The following ARHGAP17 variants were observed in gnomAD, a reference collection of about 807,000 sequenced individuals.
ARHGAP17 encodes Rho GTPase activating protein 17.
ARHGAP17 carries 57 observed loss-of-function variants against 99.5 expected under a neutral mutation model. That is an observed-to-expected ratio of 0.57 (90% CI 0.46 to 0.71). The LOEUF (loss-of-function observed/expected upper bound fraction) is 0.71, where lower values mean the gene tolerates loss of function less well. Among genes scored for constraint, ARHGAP17 ranks in the 30% least tolerant of loss-of-function variants. The pLI is 0.00. For missense variants in ARHGAP17, 1,000 were observed against 1,122.4 expected, an observed-to-expected ratio of 0.89 and a Z score of 1.56; for synonymous variants, 417 against 429.6, an observed-to-expected ratio of 0.97 and a Z score of 0.36.
chr16:24,928,829 G>A (rs937346489), intron 19 of ARHGAP17, among the ~76,000 whole-genome samples: 14 of 152,258 alleles, frequency 9.2e-5, no homozygotes, highest in Middle Eastern at 3.4e-3. Context: ...AGCTCATATG[G>A]TTTAATAAAG....
intron 1 of ARHGAP17, among the ~76,000 whole-genome samples, chr16:25,005,384 T>C (rs891881816): frequency 1.3e-5 from 2 of 152,256 alleles, no homozygotes; most frequent in Admixed American, 1.3e-4. Context: ...GTGCAAGGTT[T>C]CATCACTGTA....
In ARHGAP17 at chr16:24,931,346, G is replaced by A. The variant is rs115829556; in HGVS notation, c.1953C>T (p.Pro651=). 1.1e-5 allele frequency: 16 copies of A among 1,512,168 alleles called. No individual in the cohort carries two copies. The highest frequency in any genetic ancestry group is 7.0e-5 in the African/African-American group (5 of 71,406). The allele number at this position is 1,512,168 out of a possible 1,614,324, so 93.7% of individuals were successfully genotyped here. Residue 651 remains proline, a synonymous_variant, in exon 19 of 20, where the codon CCC becomes CCT. Transcript: ENST00000289968. ...ATGTTCCTGAAGAACTCTGGCCCCC[G>A]GGGTGGCCAGGAGGTGGGTTGCCCG... ...PKPGNPPPGH[P]GGQSSSGTSQ...
chr16:24,949,495 A>T lies in ARHGAP17; in HGVS notation c.1047-11T>A. On this transcript the variant is annotated splice_polypyrimidine_tract_variant and intron_variant, in intron 12 of 19. Coordinates refer to ENST00000289968, the MANE Select transcript of ARHGAP17 (RefSeq NM_001006634.3). ...TCTTGATCCTGCACACTGAGAACAA[A>T]AACTTTTAAGTACAACAACTTATTA... 1 of 1,611,278 alleles carries T rather than the reference A, an allele frequency of 6.2e-7. No individual in the cohort carries two copies. The highest frequency in any genetic ancestry group is 8.5e-7 in the Non-Finnish European group (1 of 1,179,030).
chr16:25,014,708 A>C (rs1347649075), intron 1 of ARHGAP17, among the ~76,000 whole-genome samples: 1 of 152,168 alleles, frequency 6.6e-6, no homozygotes, highest in Non-Finnish European at 1.5e-5. Flanking sequence ...ATGTCCCTCT[A>C]GCCATTTCTT....
At chr16:24,928,009 C>T (rs1161860785) in intron 19 of ARHGAP17, among the ~76,000 whole-genome samples, 4 of 152,228 alleles carry the variant, frequency 2.6e-5, no homozygotes, top group African/African-American at 9.6e-5. Flanking sequence ...CTCTTTAAAA[C>T]TCTAACTTAA....
In ARHGAP17 at chr16:24,959,901, A is replaced by G; in HGVS notation, c.642+10T>C. ...AATGCTTTAACATTTTCTCAAGGGA[A>G]GGTGCTTACCGTAACAAAGAATTTG... On this transcript the variant is annotated intron_variant, in intron 8 of 19. Coordinates refer to ENST00000289968, the MANE Select transcript of ARHGAP17 (RefSeq NM_001006634.3). 1 of 1,613,320 alleles carries G rather than the reference A, an allele frequency of 6.2e-7. No homozygotes were observed.
At chr16:24,996,668 C>G (rs1028378024) in intron 1 of ARHGAP17, among the ~76,000 whole-genome samples, 1 of 152,154 alleles carries the variant, frequency 6.6e-6, no homozygotes, top group African/African-American at 2.4e-5. Flanking sequence ...CGTTCACCAC[C>G]TAAGAGCGGG....
In ARHGAP17 at chr16:24,929,878, A is replaced by G. The variant is rs114137766; in HGVS notation, c.2515+906T>C. Reference sequence around the variant, plus strand: ...ATTTTTAGCTGCAAAGTCACTCAATATGGTTGGAAAGCCCAGAGGTGTATT... The same window carrying G: ...ATTTTTAGCTGCAAAGTCACTCAATGTGGTTGGAAAGCCCAGAGGTGTATT... On this transcript the variant is annotated intron_variant, in intron 19 of 19. Coordinates refer to ENST00000289968, the MANE Select transcript of ARHGAP17 (RefSeq NM_001006634.3). Among the ~76,000 whole-genome samples, 1,087 of 152,326 alleles carry G rather than the reference A, an allele frequency of 7.1e-3. 11 individuals are homozygous for G. Among genetic ancestry groups the G allele is most frequent in the African/African-American group, 0.023 (969 of 41,576 alleles).
intron 7 of ARHGAP17, among the ~76,000 whole-genome samples, chr16:24,960,592 C>A (rs1404823257): frequency 6.6e-6 from 1 of 150,782 alleles, no homozygotes; most frequent in Non-Finnish European, 1.5e-5. Context: ...CCAAGGTGGG[C>A]GGATCACAAC....
chr16:24,923,165 G>C (rs2152437089), intron 19 of ARHGAP17, among the ~76,000 whole-genome samples: 1 of 152,330 alleles, frequency 6.6e-6, no homozygotes, highest in South Asian at 2.1e-4. Context: ...GAGGATCAAA[G>C]CCAGATTGGT....
chr16:24,934,667 G>C (rs2051086023), intron 18 of ARHGAP17, among the ~76,000 whole-genome samples: 1 of 151,292 alleles, frequency 6.6e-6, no homozygotes, highest in African/African-American at 2.4e-5. Context: ...ATGTTGACCA[G>C]ATTGGTCTCC....
chr16:24,930,890 T>G lies in ARHGAP17; in HGVS notation c.2409A>C (p.Pro803=), dbSNP rs1217723197. 5.6e-6 allele frequency: 9 copies of G among 1,613,702 alleles called. No individual in the cohort carries two copies. The highest frequency in any genetic ancestry group is 1.7e-6 in the Non-Finnish European group (2 of 1,179,946). The stretch of plus-strand genomic sequence containing the variant: ...GTGGGGGCACGCTGGGCCGGTTCCT[T>G]GGCTTTGGTACTGGTCTCGGTCTCG... The part of the protein sequence containing the change: ...TLPRPRPVPK[P]RNRPSVPPPP... The change falls in exon 19 of 20, where the codon CCA becomes CCC. Residue 803 remains proline, a synonymous_variant. Transcript: ENST00000289968.
At chr16:24,947,657 C>T (rs1170215229) in intron 13 of ARHGAP17, 62 bp from the exon 14 acceptor site, 26 of 1,427,434 alleles carry the variant, frequency 1.8e-5, no homozygotes, top group Non-Finnish European at 2.5e-5. Context: ...ATGTTCTCTT[C>T]CTGCCTGGGT....
At chr16:25,011,655 C>T (rs555223127) in intron 1 of ARHGAP17, among the ~76,000 whole-genome samples, 8 of 150,726 alleles carry the variant, frequency 5.3e-5, no homozygotes, top group East Asian at 2.0e-4. Context: ...CAGTGAGCCG[C>T]GCCACTACAC....
chr16:24,982,770 A>T (rs1252363983), intron 1 of ARHGAP17, among the ~76,000 whole-genome samples: 1 of 151,464 alleles, frequency 6.6e-6, no homozygotes, highest in African/African-American at 2.4e-5. Context: ...CCCATTCAAT[A>T]GGCCATTCAA....
intron 9 of ARHGAP17, among the ~76,000 whole-genome samples, chr16:24,959,228 A>G (rs2051907595): frequency 6.6e-6 from 1 of 152,246 alleles, no homozygotes. Context: ...ATTAAGTGTG[A>G]CGTGCATGAT....
intron 19 of ARHGAP17, among the ~76,000 whole-genome samples, chr16:24,923,719 C>CT (rs558734178): frequency 1.2e-4 from 11 of 91,522 alleles, no homozygotes; most frequent in South Asian, 4.7e-4. Context: ...CCCTGTCTCT[C>CT]TTTTTTTTAA....
intron 1 of ARHGAP17, among the ~76,000 whole-genome samples, chr16:24,992,723 C>T (rs2053083396): frequency 6.6e-6 from 1 of 152,180 alleles, no homozygotes; most frequent in Admixed American, 6.5e-5. Context: ...TTCATAAATA[C>T]AGTACTCCTG....
rs554849301 is a variant in ARHGAP17, at chr16:24,974,547, G to A, written c.198+2668C>T. Reference sequence around the variant, plus strand: ...CTCTACACATTTCCATATGCCCCCAGGGGTGTAATTCTGGTCCCTGTTAAG... The same window carrying A: ...CTCTACACATTTCCATATGCCCCCAAGGGTGTAATTCTGGTCCCTGTTAAG... On this transcript the variant is annotated intron_variant, in intron 3 of 19. Transcript: ENST00000289968. Among the ~76,000 whole-genome samples the A allele has an allele frequency of 1.1e-4, 17 of 152,266 alleles. No individual in the cohort carries two copies. In the South Asian group the frequency reaches 3.3e-3, roughly 30 times the overall value.
Sources: allele counts gnomAD v4.1 joint callset (sites outside exome capture counted in the v4.1 genomes callset), GRCh38; gene constraint gnomAD v4.1.1; transcripts MANE v1.5; gene names NCBI Gene and HGNC (gene_info 2026-07-23, HGNC 2026-07-21).